Variants in ZCCHC24 observed in about 807,000 individuals in gnomAD.
ZCCHC24 encodes the protein zinc finger CCHC domain-containing protein 24.
In ZCCHC24, 10 loss-of-function variants were observed where a neutral mutation model predicts 26.2. The observed-to-expected ratio is 0.38, with a 90% CI of 0.24 to 0.65. The LOEUF is 0.65. Among genes scored for constraint, ZCCHC24 ranks in the 30% least tolerant of loss-of-function variants. The pLI is 0.54. For missense variants in ZCCHC24, 243 were observed against 329.1 expected (o/e 0.74, Z 2.03); for synonymous variants, 144 against 147.1 (o/e 0.98, Z 0.15).
At chr10:79,417,041 C>T (rs897785847) in intron 2 of ZCCHC24, among the ~76,000 whole-genome samples, 5 of 152,246 alleles carry the variant, frequency 3.3e-5, no homozygotes, top group Non-Finnish European at 7.3e-5. Context: ...GCTGAGCACT[C>T]ACTATGTGCC....
chr10:79,386,312 G>C lies in ZCCHC24; in HGVS notation c.*33C>G, dbSNP rs57224535. On this transcript the variant is annotated 3_prime_UTR_variant, in exon 4 of 4. Transcript: ENST00000372336. ...GGAAGCAGCGTCTCCTCGGGCTGGC[G>C]GGGGGTGGCTCTGGGTGCGGGCGGG... The C allele has an allele frequency of 6.9e-6, 11 of 1,587,608 alleles. No homozygotes were observed. Among genetic ancestry groups the C allele is most frequent in the South Asian group, 1.1e-5 (1 of 89,344 alleles).
intron 2 of ZCCHC24, among the ~76,000 whole-genome samples, chr10:79,416,550 T>C (rs1229878340): frequency 1.3e-5 from 2 of 152,208 alleles, no homozygotes; most frequent in Admixed American, 6.5e-5. Flanking sequence ...TTGGCTCCTG[T>C]GTGACTCTGG....
rs892235431 is a variant in ZCCHC24, at chr10:79,435,453, G to A, written c.247-2695C>T. 2.0e-5 allele frequency among the ~76,000 whole-genome samples: 3 copies of A among 152,128 alleles called. 1 individual carries two copies. Among genetic ancestry groups the A allele is most frequent in the South Asian group, 4.1e-4 (2 of 4,832 alleles). On this transcript the variant is annotated intron_variant, in intron 1 of 3. Coordinates refer to ENST00000372336, the MANE Select transcript of ZCCHC24 (RefSeq NM_153367.4). ...GCGGGTGCCCTCTCCTTGGCAGCTC[G>A]ACACCCCACCCTCTGGAGGGCCGCA...
intron 2 of ZCCHC24, among the ~76,000 whole-genome samples, chr10:79,415,399 G>T (rs928488542): frequency 1.9e-4 from 29 of 152,304 alleles, no homozygotes; most frequent in African/African-American, 6.7e-4. Flanking sequence ...TCTGCCTCTT[G>T]ACCTCACACA....
intron 3 of ZCCHC24, among the ~76,000 whole-genome samples, chr10:79,390,429 T>C (rs1003985293): frequency 1.3e-5 from 2 of 152,170 alleles, no homozygotes; most frequent in East Asian, 3.9e-4. Flanking sequence ...ATGTGTTATA[T>C]AGGGTTAGGG....
rs189158191 is a variant in ZCCHC24, at chr10:79,433,879, C to A, written c.247-1121G>T. ...GACAGTCCTTTCTGTGTTCCCTTAG[C>A]ATAGGCAGGGGAGGGAGGCGAGCTG... On this transcript the variant is annotated intron_variant, in intron 1 of 3. Coordinates refer to ENST00000372336, the MANE Select transcript of ZCCHC24 (RefSeq NM_153367.4). 5.4e-4 allele frequency among the ~76,000 whole-genome samples: 83 copies of A among 152,330 alleles called. 1 individual carries two copies. The highest frequency in any genetic ancestry group is 1.9e-3 in the African/African-American group (77 of 41,572).
Position 79,445,484 on chromosome 10 carries a change from G to T in ZCCHC24, c.-44C>A. The T allele has an allele frequency of 7.6e-7, 1 of 1,312,786 alleles. No homozygotes were observed. The allele number at this position is 1,312,786 out of a possible 1,614,324, so 81.3% of individuals were successfully genotyped here. A position where few individuals can be genotyped will look rare whatever the true frequency, so the allele number is the denominator to read the frequency against. ...GCCCCTCCCCGGCCGCCCGCTCGCGGCCCCCCTCCGCAGCGGAGGGGCGGG... is the reference window on the plus strand; with the variant it reads ...GCCCCTCCCCGGCCGCCCGCTCGCGTCCCCCCTCCGCAGCGGAGGGGCGGG... On this transcript the variant is annotated 5_prime_UTR_variant, in exon 1 of 4. Transcript: ENST00000372336.
intron 2 of ZCCHC24, among the ~76,000 whole-genome samples, chr10:79,421,919 G>A (rs962856094): frequency 5.9e-5 from 9 of 152,122 alleles, no homozygotes; most frequent in African/African-American, 1.7e-4. Flanking sequence ...ATGAGCCACC[G>A]CACCCAGCCT....
chr10:79,411,429 T>C (rs1856790021), intron 2 of ZCCHC24, among the ~76,000 whole-genome samples: 1 of 152,134 alleles, frequency 6.6e-6, no homozygotes, highest in African/African-American at 2.4e-5. Context: ...TGTTCCAAGT[T>C]GCCTGCTGGG....
chr10:79,418,776 T>A (rs1288176661), intron 2 of ZCCHC24, among the ~76,000 whole-genome samples: 1 of 152,140 alleles, frequency 6.6e-6, no homozygotes, highest in African/African-American at 2.4e-5. Context: ...AGAAACCTGG[T>A]TGAGATTTCT....
chr10:79,416,501 G>A lies in ZCCHC24; in HGVS notation c.447+16057C>T, dbSNP rs2145994. Among the ~76,000 whole-genome samples, 153 of 151,952 alleles carry A rather than the reference G, an allele frequency of 1.0e-3. 2 individuals carry two copies. Among genetic ancestry groups the A allele is most frequent in the African/African-American group, 3.4e-3 (143 of 41,452 alleles). ...TGGTGGGATAAGGTGGGGAGGAGGG[G>A]ATTAGAAATCACCCAGGGCTCAAAT... On this transcript the variant is annotated intron_variant, in intron 2 of 3. Coordinates refer to ENST00000372336, the MANE Select transcript of ZCCHC24 (RefSeq NM_153367.4).
intron 2 of ZCCHC24, among the ~76,000 whole-genome samples, chr10:79,417,175 A>C (rs925705322): frequency 1.3e-5 from 1 of 79,208 alleles, no homozygotes; most frequent in Non-Finnish European, 3.3e-5. Flanking sequence ...GGACTGATGC[A>C]TGGGGAGGGC....
intron 3 of ZCCHC24, among the ~76,000 whole-genome samples, chr10:79,392,364 C>T (rs1359336965): frequency 3.9e-5 from 6 of 152,186 alleles, no homozygotes; most frequent in Non-Finnish European, 5.9e-5. Context: ...CATCCTTCCT[C>T]AAGCCCGCCC....
intron 2 of ZCCHC24, among the ~76,000 whole-genome samples, chr10:79,429,267 T>A (rs1857093258): frequency 6.6e-6 from 1 of 152,140 alleles, no homozygotes; most frequent in Admixed American, 6.6e-5. Flanking sequence ...TGGTTATGGA[T>A]GCGAGGGGAT....
At chr10:79,401,160 G>A (rs761863079) in intron 2 of ZCCHC24, among the ~76,000 whole-genome samples, 2 of 152,180 alleles carry the variant, frequency 1.3e-5, no homozygotes, top group Non-Finnish European at 1.5e-5. Context: ...CAGGATGCAC[G>A]GCCTCTGCCC....
chr10:79,409,801 G>A (rs555752286), intron 2 of ZCCHC24, among the ~76,000 whole-genome samples: 5 of 152,232 alleles, frequency 3.3e-5, no homozygotes, highest in African/African-American at 9.6e-5. Context: ...TGTCCCACCC[G>A]GGCAGCTGGA....
chr10:79,403,812 T>C (rs939938866), intron 2 of ZCCHC24, among the ~76,000 whole-genome samples: 4 of 151,392 alleles, frequency 2.6e-5, no homozygotes, highest in Admixed American at 6.6e-5. Context: ...TTTGTCAAAG[T>C]GCAAGGAACA....
chr10:79,439,474 T>C lies in ZCCHC24; in HGVS notation c.246+5721A>G, dbSNP rs546191855. Among the ~76,000 whole-genome samples the C allele has an allele frequency of 2.0e-5, 3 of 152,134 alleles. No individual in the cohort carries two copies. The East Asian group carries it at 5.8e-4, about 29-fold the overall frequency. On this transcript the variant is annotated intron_variant, in intron 1 of 3. Transcript: ENST00000372336. Reference sequence around the variant, plus strand: ...AAGACACCCACCCACGTAGAAAACATTAACTAAGCAGCTAGCATGTCCTGC... The same window carrying C: ...AAGACACCCACCCACGTAGAAAACACTAACTAAGCAGCTAGCATGTCCTGC...
chr10:79,405,716 G>A (rs983289772), intron 2 of ZCCHC24, among the ~76,000 whole-genome samples: 10 of 152,256 alleles, frequency 6.6e-5, no homozygotes, highest in Non-Finnish European at 1.5e-5. Context: ...CCTGGAGTGA[G>A]GCTTTGGGTG....
Sources: gnomAD v4.1 joint callset for allele counts (sites outside exome capture counted in the v4.1 genomes callset) on GRCh38, gnomAD v4.1.1 for gene constraint, MANE v1.5 for transcripts, NCBI Gene and HGNC (gene_info 2026-07-23, HGNC 2026-07-21) for gene names.